Variants in CDH13 observed in about 807,000 individuals in gnomAD.
CDH13 encodes cadherin-13.
A neutral mutation model predicts 63.8 loss-of-function variants in CDH13; 24 were observed. That is an observed-to-expected ratio of 0.38 (90% confidence interval 0.27 to 0.53). CDH13 has a LOEUF of 0.53. Among genes scored for constraint, CDH13 ranks in the 20% least tolerant of loss-of-function variants. The pLI, the probability that CDH13 is intolerant of heterozygous loss-of-function variation, is 0.85. For synonymous variants in CDH13, 503 were observed against 355.3 expected, an observed-to-expected ratio of 1.42 and a Z score of -4.67; for missense variants, 1,049 against 903.1, an observed-to-expected ratio of 1.16 and a Z score of -2.07.
At chr16:83,051,593 T>C (rs2030341991) in intron 3 of CDH13, among the ~76,000 whole-genome samples, 2 of 152,254 alleles carry the variant, frequency 1.3e-5, no homozygotes, top group South Asian at 4.1e-4. Flanking sequence ...TTACAATGAT[T>C]GCATGTGGGT....
At chr16:83,137,519 T>G (rs1360500736) in intron 4 of CDH13, among the ~76,000 whole-genome samples, 2 of 152,224 alleles carry the variant, frequency 1.3e-5, no homozygotes, top group African/African-American at 2.4e-5. Context: ...AAAAAACGGC[T>G]TTCTTTGTCT....
chr16:83,030,821 G>C (rs142691561), intron 2 of CDH13, among the ~76,000 whole-genome samples: 1 of 151,698 alleles, frequency 6.6e-6, no homozygotes, highest in East Asian at 2.0e-4. Context: ...TTGTTTCCCA[G>C]AGACATTTTC....
intron 4 of CDH13, among the ~76,000 whole-genome samples, chr16:83,173,220 G>C (rs2037995465): frequency 6.6e-6 from 1 of 152,086 alleles, no homozygotes; most frequent in South Asian, 2.1e-4. Context: ...CATACACTCT[G>C]CTGGTTGTGA....
At chr16:83,010,827 G>C (rs1470684158) in intron 2 of CDH13, among the ~76,000 whole-genome samples, 1 of 152,178 alleles carries the variant, frequency 6.6e-6, no homozygotes, top group Non-Finnish European at 1.5e-5. Context: ...ACTAGTAGTG[G>C]AGCTTACGTG....
chr16:83,502,178 A>G (rs952307191), intron 7 of CDH13, among the ~76,000 whole-genome samples: 27 of 152,190 alleles, frequency 1.8e-4, no homozygotes, highest in African/African-American at 6.5e-4. Context: ...GGCAAATGGG[A>G]CTTTGTAGAA....
chr16:82,879,620 A>G (rs941379776), intron 2 of CDH13, among the ~76,000 whole-genome samples: 5 of 140,734 alleles, frequency 3.6e-5, no homozygotes, highest in Non-Finnish European at 6.1e-5. Flanking sequence ...ATTTATACAT[A>G]ATATAAAATA....
intron 1 of CDH13, among the ~76,000 whole-genome samples, chr16:82,702,372 C>T (rs886340833): frequency 3.9e-5 from 6 of 152,152 alleles, no homozygotes; most frequent in African/African-American, 1.4e-4. Context: ...TTCATATGAT[C>T]CCACCTCCCC....
intron 6 of CDH13, among the ~76,000 whole-genome samples, chr16:83,438,744 G>A (rs1172856690): frequency 2.0e-5 from 3 of 152,184 alleles, no homozygotes; most frequent in Admixed American, 2.0e-4. Context: ...CCAAATGACA[G>A]AATGGTTGTC....
chr16:83,114,590 C>G (rs553532385), intron 3 of CDH13, among the ~76,000 whole-genome samples: 19 of 152,304 alleles, frequency 1.2e-4, no homozygotes, highest in Middle Eastern at 6.8e-3. Context: ...CAGCATAATT[C>G]TATACAGTAA....
At chr16:82,783,020 A>C (rs1010300808) in intron 1 of CDH13, among the ~76,000 whole-genome samples, 5 of 152,338 alleles carry the variant, frequency 3.3e-5, no homozygotes, top group Admixed American at 6.5e-5. Context: ...CCTGGGACCC[A>C]CAGCGTCTCC....
chr16:82,916,667 G>A (rs886583687), intron 2 of CDH13, among the ~76,000 whole-genome samples: 2 of 151,710 alleles, frequency 1.3e-5, no homozygotes, highest in Non-Finnish European at 2.9e-5. Context: ...TAGCATATTC[G>A]GGAGGTTTAT....
At chr16:83,069,762 A>G (rs2032298811) in intron 3 of CDH13, among the ~76,000 whole-genome samples, 1 of 152,198 alleles carries the variant, frequency 6.6e-6, no homozygotes, top group African/African-American at 2.4e-5. Flanking sequence ...AACCCTGTTC[A>G]GAGTGGACAG....
intron 7 of CDH13, among the ~76,000 whole-genome samples, chr16:83,556,662 G>A (rs1598283798): frequency 6.6e-6 from 1 of 152,170 alleles, no homozygotes; most frequent in Non-Finnish European, 1.5e-5. Context: ...CACAAATCAA[G>A]GGACCTGGAG....
intron 12 of CDH13, among the ~76,000 whole-genome samples, chr16:83,781,627 T>C (rs533748751): frequency 2.6e-5 from 4 of 152,362 alleles, no homozygotes; most frequent in East Asian, 3.9e-4. Context: ...AATTCTGTTA[T>C]ACTGATTATT....
At chr16:83,357,829 A>T (rs2091085620) in intron 6 of CDH13, among the ~76,000 whole-genome samples, 1 of 152,160 alleles carries the variant, frequency 6.6e-6, no homozygotes. Flanking sequence ...ATTGGTTGGT[A>T]CCTTTTTATA....
At chr16:82,752,133 A>G (rs937210315) in intron 1 of CDH13, among the ~76,000 whole-genome samples, 4 of 152,242 alleles carry the variant, frequency 2.6e-5, no homozygotes, top group African/African-American at 9.6e-5. Flanking sequence ...ATAAGCTAAC[A>G]AGGCAGGCCT....
At chr16:83,074,058 C>A (rs56320355) in intron 3 of CDH13, among the ~76,000 whole-genome samples, 1 of 152,050 alleles carries the variant, frequency 6.6e-6, no homozygotes, top group East Asian at 1.9e-4. Context: ...CTGTAGTCAC[C>A]GTACTTTACT....
At chr16:83,168,063 G>A (rs1183483235) in intron 4 of CDH13, among the ~76,000 whole-genome samples, 1 of 151,990 alleles carries the variant, frequency 6.6e-6, no homozygotes, top group Admixed American at 6.6e-5. Flanking sequence ...GGGAGGGAAA[G>A]AGGGGTATGA....
At chr16:83,372,106 C>T (rs1025926406) in intron 6 of CDH13, among the ~76,000 whole-genome samples, 1 of 152,166 alleles carries the variant, frequency 6.6e-6, no homozygotes, top group African/African-American at 2.4e-5. Context: ...TCATCATGGG[C>T]CACCACTGTA....
Sources: allele counts gnomAD v4.1 joint callset (sites outside exome capture counted in the v4.1 genomes callset), GRCh38; gene constraint gnomAD v4.1.1; transcripts MANE v1.5; gene names NCBI Gene and HGNC (gene_info 2026-07-23, HGNC 2026-07-21).